Variants in COL4A1 observed in about 807,000 individuals in gnomAD.
COL4A1 encodes collagen type IV alpha 1 chain.
COL4A1 carries 40 observed loss-of-function variants against 216.6 expected under a neutral mutation model. The ratio of observed to expected loss-of-function variants is 0.18; its 90% confidence interval spans 0.14 to 0.24. COL4A1 has a LOEUF of 0.24. COL4A1 is among the 10% of genes least tolerant of loss of function. COL4A1 has a pLI of 1.00. For missense variants in COL4A1, 1,628 were observed against 2,196.8 expected (o/e 0.74, Z 5.18); for synonymous variants, 839 against 810.7 (o/e 1.03, Z -0.59).
intron 51 of COL4A1, among the ~76,000 whole-genome samples, chr13:110,151,234 T>C (rs138510114): frequency 3.9e-5 from 6 of 152,316 alleles, no homozygotes; most frequent in Non-Finnish European, 7.3e-5. Flanking sequence ...TCAAGTTTAT[T>C]ATTTAAATTA....
Position 110,170,590 on chromosome 13 carries a change from C to T in COL4A1, c.3699G>A (p.Gly1233=). 1 of 1,610,106 alleles carries T rather than the reference C, an allele frequency of 6.2e-7. No homozygotes were observed. Among genetic ancestry groups the T allele is most frequent in the Non-Finnish European group, 8.5e-7 (1 of 1,178,128 alleles). ...LPGSPGHATE[G]PKGDRGPQGQ... is the part of the protein sequence containing the mutation. ...CCTGAGGTCCGCGGTCTCCTTTGGG[C>T]CCCTCCGTGGCATGGCCTGGGGATC... The change falls in exon 42 of 52, where the codon GGG becomes GGA. Residue 1233 remains glycine, a synonymous_variant. Coordinates refer to ENST00000375820, the MANE Select transcript of COL4A1 (RefSeq NM_001845.6).
chr13:110,192,937 C>T (rs781608333), intron 22 of COL4A1, 24 bp from the exon 23 acceptor site: 2 of 1,607,214 alleles, frequency 1.2e-6, no homozygotes, highest in Non-Finnish European at 1.7e-6. Flanking sequence ...CACAAAGGTG[C>T]TTACGTGTAA....
In COL4A1 at chr13:110,307,069, C is replaced by T. The variant is rs972881354; in HGVS notation, c.-42G>A. ...CGGCGAGGGACGGCTGCCCGGCGTG[C>T]GGGGGCCGCGGCGGACAGCTAGCTC... On this transcript the variant is annotated 5_prime_UTR_variant, in exon 1 of 52. Coordinates refer to ENST00000375820, the MANE Select transcript of COL4A1 (RefSeq NM_001845.6). This position sits in a 1 kb window ranked among gnomAD's most constrained non-coding sequence, Gnocchi z 5.0. 1 of 1,394,256 alleles carries T rather than the reference C, an allele frequency of 7.2e-7. No individual in the cohort carries two copies. The highest frequency in any genetic ancestry group is 1.5e-5 in the South Asian group (1 of 67,070). The allele number at this position is 1,394,256 out of a possible 1,614,324, so 86.4% of individuals were successfully genotyped here.
intron 2 of COL4A1, among the ~76,000 whole-genome samples, chr13:110,217,804 G>C (rs1381483048): frequency 6.6e-6 from 1 of 152,180 alleles, no homozygotes; most frequent in African/African-American, 2.4e-5. Flanking sequence ...ACAACATGGA[G>C]AATAATCTTA....
At chr13:110,259,047 C>T (rs1332425418) in intron 1 of COL4A1, among the ~76,000 whole-genome samples, 1 of 152,218 alleles carries the variant, frequency 6.6e-6, no homozygotes, top group Non-Finnish European at 1.5e-5. Flanking sequence ...CGGGGCCGCC[C>T]GGTCCCTGGA....
chr13:110,252,887 C>T (rs1485242040), intron 1 of COL4A1, among the ~76,000 whole-genome samples: 2 of 60,072 alleles, frequency 3.3e-5, no homozygotes, highest in Non-Finnish European at 5.8e-5. Flanking sequence ...ACTATAAGTA[C>T]GTATGTATTA....
chr13:110,219,814 A>ATGTGTG (rs1880333251), intron 2 of COL4A1, among the ~76,000 whole-genome samples: 1 of 139,362 alleles, frequency 7.2e-6, no homozygotes. Context: ...ATATGTGTAT[A>ATGTGTG]TATGTATATA....
intron 40 of COL4A1, among the ~76,000 whole-genome samples, chr13:110,173,277 G>T (rs1161754317): frequency 2.0e-5 from 3 of 147,914 alleles, no homozygotes; most frequent in Non-Finnish European, 2.9e-5. Flanking sequence ...GTTATGGAAT[G>T]AAAAAAATGA....
At chr13:110,182,813 G>A (rs1357774703) in intron 28 of COL4A1, among the ~76,000 whole-genome samples, 180 bp downstream of exon 28, 3 of 152,236 alleles carry the variant, frequency 2.0e-5, no homozygotes, top group Non-Finnish European at 4.4e-5. Context: ...ACCCTACACT[G>A]CAAGGCAGCT....
Position 110,179,409 on chromosome 13 carries a change from C to T in COL4A1, c.2206G>A (p.Val736Ile). The change falls in exon 30 of 52, where the codon GTT becomes ATT. Residue 736 changes from valine (V) to isoleucine (I), a missense_variant. Physicochemically the swap from Val to Ile is conservative, Grantham distance 29 (BLOSUM62 3). Transcript: ENST00000375820. ...AAACCTTTGAGTCCCGGTAGACCAA[C>T]TCCAGGCTCTCCCTGAAAATCCCCA... ...GVQGQKGEPG[V>I]GLPGLKGLPG... is the part of the protein sequence containing the mutation. 1 of 1,614,170 alleles carries T rather than the reference C, an allele frequency of 6.2e-7. No homozygotes were observed. Among genetic ancestry groups the T allele is most frequent in the African/African-American group, 1.3e-5 (1 of 75,054 alleles).
chr13:110,303,813 C>T (rs1026106350), intron 1 of COL4A1, among the ~76,000 whole-genome samples: 1 of 152,202 alleles, frequency 6.6e-6, no homozygotes, highest in Admixed American at 6.5e-5. Context: ...GAGTCCCTGC[C>T]GCATGGCCAG....
At chr13:110,215,514 T>A (rs1323618937) in intron 2 of COL4A1, among the ~76,000 whole-genome samples, 1 of 146,432 alleles carries the variant, frequency 6.8e-6, no homozygotes, top group Non-Finnish European at 1.5e-5. Context: ...AGAGCCAAGA[T>A]CATGCCACTG....
In COL4A1 at chr13:110,261,035, T is replaced by TAAAAAAAAAAAAAAA. The variant is rs1303970828; in HGVS notation, c.85-18302_85-18301insTTTTTTTTTTTTTTT. 8.5e-3 allele frequency among the ~76,000 whole-genome samples: 358 copies of TAAAAAAAAAAAAAAA among 42,104 alleles called. 41 individuals carry two copies. The highest frequency in any genetic ancestry group is 0.027 in the African/African-American group (321 of 11,866). 27.6% of individuals were successfully genotyped at this position (42,104 alleles called of 152,430 possible). ...CTGGGTGACAGAGCGAGACTCCGTC[T>TAAAAAAAAAAAAAAA]CAAAAAAAAAAAAAAAAAAGGCCAA... On this transcript the variant is annotated intron_variant, in intron 1 of 51. Transcript: ENST00000375820.
intron 1 of COL4A1, among the ~76,000 whole-genome samples, chr13:110,248,306 G>C (rs1257136571): frequency 2.6e-5 from 4 of 152,186 alleles, no homozygotes; most frequent in African/African-American, 9.7e-5. Context: ...ACACGCTCCC[G>C]GCGGGATTGC....
Position 110,150,290 on chromosome 13 carries a change from C to A in COL4A1, c.*73G>T. On this transcript the variant is annotated 3_prime_UTR_variant, in exon 52 of 52. Coordinates refer to ENST00000375820, the MANE Select transcript of COL4A1 (RefSeq NM_001845.6). The stretch of plus-strand genomic sequence containing the variant: ...ACAGTGAGGTACACAGGATATATTT[C>A]TAGGGTTCGTTGCTGTTAACAAAAA... 4 of 1,391,852 alleles carry A rather than the reference C, an allele frequency of 2.9e-6. No individual in the cohort carries two copies. Among genetic ancestry groups the A allele is most frequent in the South Asian group, 1.2e-5 (1 of 81,712 alleles). 86.2% of individuals were successfully genotyped at this position (1,391,852 alleles called of 1,614,324 possible).
intron 21 of COL4A1, among the ~76,000 whole-genome samples, chr13:110,196,243 A>G (rs965516064): frequency 1.3e-5 from 2 of 152,208 alleles, no homozygotes; most frequent in African/African-American, 4.8e-5. Flanking sequence ...AGAAAGCCCA[A>G]GTGGGGTCAC....
intron 20 of COL4A1, among the ~76,000 whole-genome samples, chr13:110,199,071 A>T (rs1879040850): frequency 6.6e-6 from 1 of 152,178 alleles, no homozygotes; most frequent in Non-Finnish European, 1.5e-5. Context: ...GACACACAAG[A>T]TGGTTCTGTA....
intron 51 of COL4A1, among the ~76,000 whole-genome samples, chr13:110,151,903 A>G (rs558423680): frequency 6.6e-6 from 1 of 152,352 alleles, no homozygotes; most frequent in African/African-American, 2.4e-5. Flanking sequence ...TTATTTGCAC[A>G]GGTCTAAAAA....
intron 24 of COL4A1, chr13:110,191,741 C>T (rs1878638644): frequency 3.2e-6 from 2 of 629,518 alleles, no homozygotes; most frequent in African/African-American, 3.7e-5. Context: ...GATCTGCTTT[C>T]CTTGATCTTT....
Sources: gnomAD v4.1 joint callset for allele counts (sites outside exome capture counted in the v4.1 genomes callset) on GRCh38, gnomAD v4.1.1 for gene constraint, Gnocchi (gnomAD v3.1) non-coding constraint, MANE v1.5 for transcripts, NCBI Gene and HGNC (gene_info 2026-07-23, HGNC 2026-07-21) for gene names.